EIF2AK4: variants seen among roughly 807,000 people sequenced by gnomAD.
EIF2AK4 encodes eukaryotic translation initiation factor 2 alpha kinase 4, also known as eIF-2-alpha kinase GCN2.
Under a neutral mutation model 211.1 loss-of-function variants are expected in EIF2AK4, and 139 were observed. The observed-to-expected ratio is 0.66, with a 90% CI of 0.57 to 0.76. The LOEUF (loss-of-function observed/expected upper bound fraction) is 0.76. Ranked by LOEUF, EIF2AK4 falls within the 30% of genes least tolerant of loss-of-function variation. The pLI is 0.00. For synonymous variants in EIF2AK4, 710 were observed against 751.3 expected, an observed-to-expected ratio of 0.94 and a Z score of 0.90; for missense variants, 1,664 against 2,043.8, an observed-to-expected ratio of 0.81 and a Z score of 3.58.
intron 27 of EIF2AK4, among the ~76,000 whole-genome samples, chr15:40,016,064 G>T (rs1354777087): frequency 6.6e-6 from 1 of 152,168 alleles, no homozygotes; most frequent in Non-Finnish European, 1.5e-5. Flanking sequence ...TTCAAGCCAA[G>T]GAAGGGAATT....
chr15:39,935,621 G>A (rs1405603754), intron 1 of EIF2AK4, among the ~76,000 whole-genome samples: 2 of 152,090 alleles, frequency 1.3e-5, no homozygotes, highest in South Asian at 2.1e-4. Flanking sequence ...GTGGGCCACC[G>A]CGCCTGGCCT....
At chr15:40,034,153 G>C (rs909078999) in intron 37 of EIF2AK4, among the ~76,000 whole-genome samples, 173 bp from the exon 38 acceptor site, 1 of 152,108 alleles carries the variant, frequency 6.6e-6, no homozygotes, top group Admixed American at 6.5e-5. Flanking sequence ...AGGAAAACTG[G>C]TGCTTCAGAG....
chr15:39,934,201 TGGGG>T lies in EIF2AK4; in HGVS notation c.8_11del (p.Gly3AlafsTer54). The T allele has an allele frequency of 6.4e-7, 1 of 1,563,638 alleles. No homozygotes were observed. The highest frequency in any genetic ancestry group is 8.7e-7 in the Non-Finnish European group (1 of 1,155,976). On this transcript the variant is annotated frameshift_variant, in exon 1 of 39. Transcript: ENST00000263791. LOFTEE classifies it high-confidence loss of function. ...GCCTTGGGCGCAGCGCTGCCATGGC[TGGGG>T]GCCGTGGGGCCCCCGGGCGCGGCCG...
intron 5 of EIF2AK4, among the ~76,000 whole-genome samples, chr15:39,954,355 C>A (rs2034360962): frequency 6.6e-6 from 1 of 152,192 alleles, no homozygotes; most frequent in South Asian, 2.1e-4. Flanking sequence ...CAGGTTCAAG[C>A]AATTCTCATG....
chr15:40,001,273 A>G, intron 21 of EIF2AK4, 49 bp downstream of exon 21: 1 of 1,576,482 alleles, frequency 6.3e-7, no homozygotes, highest in Non-Finnish European at 8.7e-7. Flanking sequence ...TGTCCACAAA[A>G]GGATCAAGCC....
chr15:39,950,589 CAA>C (rs771231139), intron 4 of EIF2AK4, among the ~76,000 whole-genome samples: 24 of 59,706 alleles, frequency 4.0e-4, no homozygotes, highest in Admixed American at 1.3e-3. Context: ...ACTCTGTCTT[CAA>C]AAAAAAAAAA....
chr15:39,992,206 A>G lies in EIF2AK4; in HGVS notation c.2663A>G (p.Asp888Gly). 1 of 1,612,358 alleles carries G rather than the reference A, an allele frequency of 6.2e-7. No homozygotes were observed. The highest frequency in any genetic ancestry group is 8.5e-7 in the Non-Finnish European group (1 of 1,179,174). ...AGCAAACAAGACGATCAGACAGGAG[A>G]CTTGATTAAGTCAGACCCTTCAGGT... Reference protein sequence around the residue: ...ADSKQDDQTGDLIKSDPSGHL... With the variant: ...ADSKQDDQTGGLIKSDPSGHL... The change falls in exon 17 of 39, where the codon GAC becomes GGC. Residue 888 changes from aspartate to glycine, a missense_variant. Around this residue, in one of 7 missense-constraint regions of EIF2AK4, gnomAD observed 622 missense variants for 796.8 expected, o/e 0.78. Coordinates refer to ENST00000263791, the MANE Select transcript of EIF2AK4 (RefSeq NM_001013703.4).
chr15:39,993,030 GTCCATCCATCCATCCATCCATCCATCCA>G (rs1199022740), intron 18 of EIF2AK4, among the ~76,000 whole-genome samples, 182 bp downstream of exon 18: 1 of 146,570 alleles, frequency 6.8e-6, no homozygotes, highest in East Asian at 2.0e-4. Flanking sequence ...GGAGCTTACA[GTCCATCCATCCATCCATCCATCCATCCA>G]TCCATCCATC....
chr15:40,032,130 G>T, intron 35 of EIF2AK4, 39 bp from the exon 36 acceptor site: 1 of 1,507,598 alleles, frequency 6.6e-7, no homozygotes, highest in Non-Finnish European at 9.2e-7. Context: ...AAGATGGCTT[G>T]GTTTAACATG....
In EIF2AK4 at chr15:39,939,541, C is replaced by A. The variant is rs1394736889; in HGVS notation, c.181C>A (p.Pro61Thr). The part of the protein sequence containing the change: ...EPPEINLVLY[P>T]QGLTGEEVYV... ...CCCTGAAATCAATTTAGTTTTGTAC[C>A]CTCAAGGCCTAACTGGTGAAGAAGT... is the stretch of plus-strand genomic sequence containing the variant. Residue 61 changes from proline to threonine, a missense_variant, in exon 2 of 39, where the codon CCT (proline) becomes ACT (threonine). Around this residue, in one of 7 missense-constraint regions of EIF2AK4, gnomAD observed 641 missense variants for 729.6 expected, o/e 0.88. Transcript: ENST00000263791. 1.2e-6 allele frequency: 2 copies of A among 1,610,310 alleles called. No homozygotes were observed. The highest frequency in any genetic ancestry group is 1.7e-6 in the Non-Finnish European group (2 of 1,177,876).
chr15:39,961,141 G>A (rs1469618885), intron 6 of EIF2AK4, among the ~76,000 whole-genome samples: 1 of 152,174 alleles, frequency 6.6e-6, no homozygotes, highest in African/African-American at 2.4e-5. Flanking sequence ...AGGAGAGGCT[G>A]GGTTTTAAGT....
intron 15 of EIF2AK4, 111 bp downstream of exon 15, chr15:39,988,216 G>A: frequency 8.6e-7 from 1 of 1,157,798 alleles, no homozygotes; most frequent in South Asian, 1.5e-5. Flanking sequence ...GGAAAGCTAT[G>A]GGTATATTGA....
Position 40,034,313 on chromosome 15 carries a change from A to G in EIF2AK4, c.4774-13A>G, listed in dbSNP as rs758871830. On this transcript the variant is annotated splice_polypyrimidine_tract_variant and intron_variant, in intron 37 of 38. Transcript: ENST00000263791. ...AGAGACCTGTTGTTAAGTCTTATCT[A>G]TTTTTTTCCTAGTGGGATGCTGATG... is the stretch of plus-strand genomic sequence containing the variant. The G allele has an allele frequency of 2.5e-6, 4 of 1,610,178 alleles. No homozygotes were observed. Among genetic ancestry groups the G allele is most frequent in the East Asian group, 2.2e-5 (1 of 44,856 alleles).
Position 39,991,955 on chromosome 15 carries a change from G to A in EIF2AK4, c.2632-220G>A, listed in dbSNP as rs146464949. Reference sequence around the variant, plus strand: ...ATATTTCTGTCCTAAAGAAAGAGTTGTACAGTGATTGCCCCCCTCCCTCTT... The same window carrying A: ...ATATTTCTGTCCTAAAGAAAGAGTTATACAGTGATTGCCCCCCTCCCTCTT... On this transcript the variant is annotated intron_variant, in intron 16 of 38. Transcript: ENST00000263791. 584 of 452,446 alleles carry A rather than the reference G, an allele frequency of 1.3e-3. 2 individuals are homozygous for A. Among genetic ancestry groups the A allele is most frequent in the African/African-American group, 9.9e-3 (512 of 51,738 alleles). 28.0% of individuals were successfully genotyped at this position (452,446 alleles called of 1,614,324 possible).
At chr15:39,961,985 T>C (rs996132692) in intron 7 of EIF2AK4, 86 bp downstream of exon 7, 6 of 1,016,566 alleles carry the variant, frequency 5.9e-6, no homozygotes, top group Non-Finnish European at 9.1e-6. Context: ...CACTGTGTCA[T>C]TCAGACCAGT....
At chr15:40,014,360 C>T (rs549264820) in intron 27 of EIF2AK4, among the ~76,000 whole-genome samples, 5 of 152,268 alleles carry the variant, frequency 3.3e-5, no homozygotes, top group Non-Finnish European at 4.4e-5. Context: ...GGCATCCAGG[C>T]GTTTCCATAC....
intron 9 of EIF2AK4, among the ~76,000 whole-genome samples, 157 bp downstream of exon 9, chr15:39,968,036 T>A (rs2034569549): frequency 6.6e-6 from 1 of 152,220 alleles, no homozygotes. Flanking sequence ...ATATGTTCTG[T>A]TTTCTCATGT....
intron 18 of EIF2AK4, among the ~76,000 whole-genome samples, chr15:39,994,343 C>T (rs2034990675): frequency 1.3e-5 from 2 of 152,202 alleles, no homozygotes; most frequent in African/African-American, 2.4e-5. Context: ...CATGGTGGTT[C>T]ATGCCTATAA....
At position 40,030,437 on chromosome 15, in the gene EIF2AK4, G is replaced by A; in HGVS notation, c.4640G>A (p.Arg1547Lys). The change falls in exon 35 of 39, where the codon AGG becomes AAG. Residue 1547 changes from arginine (R) to lysine (K), a missense_variant. Arg to Lys is a conservative substitution (Grantham distance 26). This residue lies in a region of EIF2AK4 where 138 missense variants were observed against 165.1 expected (regional missense o/e 0.84). Coordinates refer to ENST00000263791, the MANE Select transcript of EIF2AK4 (RefSeq NM_001013703.4). ...LAPEKLSAST[R>K]RRYETQVQTR... The stretch of plus-strand genomic sequence containing the variant: ...CCGGAGAAGCTGTCAGCCAGCACTA[G>A]GAGGCGCTATGAAACTCAGGTACAC... The A allele has an allele frequency of 6.2e-7, 1 of 1,614,022 alleles. No individual in the cohort carries two copies. The highest frequency in any genetic ancestry group is 8.5e-7 in the Non-Finnish European group (1 of 1,179,982).
Sources: allele counts gnomAD v4.1 joint callset (sites outside exome capture counted in the v4.1 genomes callset), GRCh38; gene constraint gnomAD v4.1.1; regional missense constraint gnomAD v4.1.1; transcripts MANE v1.5; gene names NCBI Gene and HGNC (gene_info 2026-07-23, HGNC 2026-07-21).